Variants in ALK observed in about 807,000 individuals in gnomAD.
ALK encodes the protein ALK receptor tyrosine kinase, also known as ALK tyrosine kinase receptor.
ALK carries 74 observed loss-of-function variants against 163.1 expected under a neutral mutation model. The ratio of observed to expected loss-of-function variants is 0.45; its 90% CI spans 0.38 to 0.55. The LOEUF (loss-of-function observed/expected upper bound fraction) is 0.55. ALK is among the 20% of genes least tolerant of loss of function. ALK has a pLI of 0.00. For synonymous variants in ALK, 960 were observed against 843.2 expected, an observed-to-expected ratio of 1.14 and a Z score of -2.40; for missense variants, 2,063 against 2,105.3, an observed-to-expected ratio of 0.98 and a Z score of 0.39.
chr2:29,684,854 A>G (rs1382444032), intron 3 of ALK, among the ~76,000 whole-genome samples: 4 of 152,216 alleles, frequency 2.6e-5, no homozygotes, highest in Non-Finnish European at 5.9e-5. Flanking sequence ...ATCTGACTGC[A>G]ATATACTGGC....
chr2:29,633,306 G>A (rs1321048831), intron 3 of ALK, among the ~76,000 whole-genome samples: 2 of 152,124 alleles, frequency 1.3e-5, no homozygotes, highest in African/African-American at 2.4e-5. Flanking sequence ...CTCAGGAGGT[G>A]TGGGAGAGAT....
chr2:29,912,795 T>C (rs1249283906), intron 1 of ALK, among the ~76,000 whole-genome samples: 1 of 152,184 alleles, frequency 6.6e-6, no homozygotes, highest in Admixed American at 6.5e-5. Flanking sequence ...ATAGAATTCA[T>C]GTCTTCGAGC....
chr2:29,788,936 G>C (rs1185814434), intron 1 of ALK, among the ~76,000 whole-genome samples: 2 of 151,476 alleles, frequency 1.3e-5, no homozygotes, highest in African/African-American at 4.9e-5. Flanking sequence ...TAGTAGACTG[G>C]TTGTTTCTTC....
chr2:29,320,461 C>T (rs569266949), intron 7 of ALK, among the ~76,000 whole-genome samples: 2 of 152,336 alleles, frequency 1.3e-5, no homozygotes, highest in Admixed American at 1.3e-4. Context: ...ACGCCCTCAG[C>T]ACATACTTGT....
chr2:29,680,260 A>T (rs535452064), intron 3 of ALK, among the ~76,000 whole-genome samples: 2 of 152,130 alleles, frequency 1.3e-5, no homozygotes, highest in African/African-American at 4.8e-5. Context: ...TATTTCTTCA[A>T]AAAAATTTTG....
At position 29,721,219 on chromosome 2, in the gene ALK, G is replaced by A. The variant is rs554079911; in HGVS notation, c.668-3522C>T. Among the ~76,000 whole-genome samples the A allele has an allele frequency of 8.5e-5, 13 of 152,296 alleles. No individual in the cohort carries two copies. In the South Asian group the frequency reaches 1.9e-3, roughly 22 times the overall value. ...CTCTTGACACTCTGAATTTTTCACT[G>A]TGTATCATCCCCCTAATGTCCTCAG... On this transcript the variant is annotated intron_variant, in intron 1 of 28. Coordinates refer to ENST00000389048, the MANE Select transcript of ALK (RefSeq NM_004304.5).
At chr2:29,402,270 G>A (rs1336540733) in intron 4 of ALK, among the ~76,000 whole-genome samples, 1 of 152,254 alleles carries the variant, frequency 6.6e-6, no homozygotes, top group Non-Finnish European at 1.5e-5. Flanking sequence ...TATGGGCTGT[G>A]GGAACCTCTG....
chr2:29,719,124 A>G (rs1303219828), intron 1 of ALK, among the ~76,000 whole-genome samples: 1 of 152,212 alleles, frequency 6.6e-6, no homozygotes, highest in Non-Finnish European at 1.5e-5. Context: ...GGCAATGCTT[A>G]TTAAAGGCCC....
chr2:29,900,279 C>A (rs1344973274), intron 1 of ALK, among the ~76,000 whole-genome samples: 1 of 152,166 alleles, frequency 6.6e-6, no homozygotes, highest in Non-Finnish European at 1.5e-5. Context: ...TGAGCAGTGT[C>A]AATGGAGATG....
intron 1 of ALK, among the ~76,000 whole-genome samples, chr2:29,885,195 C>G (rs1374875146): frequency 6.6e-6 from 1 of 152,128 alleles, no homozygotes; most frequent in Non-Finnish European, 1.5e-5. Context: ...GGATAATGCC[C>G]CTTGTTGCCC....
intron 3 of ALK, among the ~76,000 whole-genome samples, chr2:29,640,598 A>G (rs1345455069): frequency 2.6e-5 from 4 of 152,200 alleles, no homozygotes; most frequent in Non-Finnish European, 4.4e-5. Flanking sequence ...CAGAACCGTG[A>G]GCCATTAAAC....
At chr2:29,543,216 G>A (rs1673461663) in intron 3 of ALK, among the ~76,000 whole-genome samples, 1 of 151,966 alleles carries the variant, frequency 6.6e-6, no homozygotes. Flanking sequence ...AAGGGTGAGG[G>A]GAGGAAACAT....
chr2:29,663,044 TAATAC>T (rs372015975), intron 3 of ALK, among the ~76,000 whole-genome samples: 68 of 152,278 alleles, frequency 4.5e-4, no homozygotes, highest in African/African-American at 1.5e-3. Flanking sequence ...ACTATTAGGC[TAATAC>T]TCCTTCCACT....
intron 1 of ALK, among the ~76,000 whole-genome samples, chr2:29,918,747 C>T (rs72798452): frequency 2.6e-5 from 4 of 152,050 alleles, no homozygotes; most frequent in Admixed American, 1.3e-4. Flanking sequence ...ATACTTGTAG[C>T]TCTACAATGG....
chr2:29,638,107 A>C (rs1676595581), intron 3 of ALK, among the ~76,000 whole-genome samples: 2 of 152,188 alleles, frequency 1.3e-5, no homozygotes, highest in African/African-American at 4.8e-5. Flanking sequence ...GCACACCTTA[A>C]ACTTGAGATA....
At chr2:29,916,960 G>A (rs896142395) in intron 1 of ALK, among the ~76,000 whole-genome samples, 3 of 152,158 alleles carry the variant, frequency 2.0e-5, no homozygotes, top group Non-Finnish European at 2.9e-5. Flanking sequence ...ATCTGCCTCA[G>A]ACTTGAAATG....
chr2:29,419,789 T>A (rs1669972801), intron 4 of ALK, among the ~76,000 whole-genome samples: 1 of 151,440 alleles, frequency 6.6e-6, no homozygotes, highest in Non-Finnish European at 1.5e-5. Context: ...TGGAGACACC[T>A]TGGGAAGCTA....
chr2:29,267,911 C>G (rs1281525390), intron 11 of ALK, among the ~76,000 whole-genome samples: 1 of 152,128 alleles, frequency 6.6e-6, no homozygotes, highest in Non-Finnish European at 1.5e-5. Flanking sequence ...GATGGAGGGG[C>G]CTTTGTGTTC....
chr2:29,238,646 G>T (rs577743831), intron 13 of ALK, among the ~76,000 whole-genome samples: 1 of 152,300 alleles, frequency 6.6e-6, no homozygotes, highest in East Asian at 1.9e-4. Context: ...AGGTGGAGAT[G>T]TGAAGCCACA....
Sources: allele counts gnomAD v4.1 joint callset (sites outside exome capture counted in the v4.1 genomes callset), GRCh38; gene constraint gnomAD v4.1.1; transcripts MANE v1.5; gene names NCBI Gene and HGNC (gene_info 2026-07-23, HGNC 2026-07-21).